Variants in SS18 observed in about 807,000 individuals in gnomAD.
SS18 encodes protein SSXT.
SS18 carries 28 observed loss-of-function variants against 72.5 expected under a neutral mutation model. The ratio of observed to expected loss-of-function variants is 0.39; its 90% CI spans 0.29 to 0.53. SS18 has a LOEUF of 0.53. Among genes scored for constraint, SS18 ranks in the 20% least tolerant of loss-of-function variants. The probability of loss-of-function intolerance (pLI) is 0.76; values close to 1 mark genes in which losing one functional copy is unlikely to be tolerated. For missense variants in SS18, 518 were observed against 535.3 expected, an observed-to-expected ratio of 0.97 and a Z score of 0.32; for synonymous variants, 172 against 164.2, an observed-to-expected ratio of 1.05 and a Z score of -0.37.
rs193106466 is a variant in SS18 at position 26,033,301 on chromosome 18, G to A, written c.1097-769C>T. Among the ~76,000 whole-genome samples the A allele has an allele frequency of 9.9e-5, 15 of 152,228 alleles. No homozygotes were observed. In the East Asian group the frequency reaches 2.9e-3, roughly 29 times the overall value. ...GGCTGAGGTGGGAGGATCACCTGAG[G>A]TCAGGAGTTTGAGACCAGCCTGACC... On this transcript the variant is annotated intron_variant, in intron 9 of 10. Coordinates refer to ENST00000415083, the MANE Select transcript of SS18 (RefSeq NM_001007559.3).
At chr18:26,032,715 A>T (rs997003501) in intron 9 of SS18, among the ~76,000 whole-genome samples, 183 bp from the exon 10 acceptor site, 1 of 152,234 alleles carries the variant, frequency 6.6e-6, no homozygotes. Context: ...AAGAGTAAAA[A>T]TACTGTAATG....
intron 10 of SS18, among the ~76,000 whole-genome samples, chr18:26,029,199 G>A (rs1050921847): frequency 6.6e-6 from 1 of 152,182 alleles, no homozygotes; most frequent in East Asian, 1.9e-4. Context: ...TGAGGGCAGC[G>A]AGTGGTTGGG....
At chr18:26,072,795 T>TC (rs1488904110) in intron 3 of SS18, among the ~76,000 whole-genome samples, 1 of 22,112 alleles carries the variant, frequency 4.5e-5, no homozygotes, top group African/African-American at 3.6e-4. Flanking sequence ...AGACTCCGTC[T>TC]CAAAAAAAAA....
chr18:26,070,625 T>C (rs1364958471), intron 3 of SS18, among the ~76,000 whole-genome samples: 1 of 152,256 alleles, frequency 6.6e-6, no homozygotes, highest in Non-Finnish European at 1.5e-5. Flanking sequence ...TCTCAGTGTT[T>C]AGATTCTTGA....
chr18:26,038,288 C>T (rs2053660246), intron 7 of SS18, among the ~76,000 whole-genome samples: 1 of 149,562 alleles, frequency 6.7e-6, no homozygotes, highest in African/African-American at 2.5e-5. Flanking sequence ...TCAAACAACC[C>T]TAAACATATT....
chr18:26,024,984 T>G (rs985968348), intron 10 of SS18, among the ~76,000 whole-genome samples: 2 of 151,900 alleles, frequency 1.3e-5, no homozygotes, highest in Non-Finnish European at 2.9e-5. Flanking sequence ...CTAATACTAA[T>G]CAAAAGAAAA....
At chr18:26,072,811 A>C (rs866333424) in intron 3 of SS18, among the ~76,000 whole-genome samples, 34 of 151,138 alleles carry the variant, frequency 2.2e-4, no homozygotes, top group Non-Finnish European at 2.2e-4. Flanking sequence ...AAAAAAAAAA[A>C]AAAAAAAAAA....
intron 2 of SS18, among the ~76,000 whole-genome samples, chr18:26,079,414 A>C (rs551928622): frequency 1.4e-5 from 1 of 71,938 alleles, no homozygotes; most frequent in African/African-American, 5.7e-5. Flanking sequence ...CCTGCATCAA[A>C]TTGTTAGGCT....
intron 5 of SS18, among the ~76,000 whole-genome samples, chr18:26,045,797 T>C (rs1431176810): frequency 6.6e-6 from 1 of 152,178 alleles, no homozygotes; most frequent in Non-Finnish European, 1.5e-5. Context: ...TTTAAAATTT[T>C]GGTCAAAACA....
chr18:26,057,799 T>A, intron 3 of SS18, 57 bp from the exon 4 acceptor site: 2 of 1,514,978 alleles, frequency 1.3e-6, no homozygotes, highest in African/African-American at 2.8e-5. Context: ...GAAAGATGCA[T>A]AGGGTAAAAG....
At position 26,052,819 on chromosome 18, in the gene SS18, G is replaced by T. The variant is rs2053946282; in HGVS notation, c.412C>A (p.Pro138Thr). 6.2e-7 allele frequency: 1 copy of T among 1,614,156 alleles called. No homozygotes were observed. Among genetic ancestry groups the T allele is most frequent in the South Asian group, 1.1e-5 (1 of 91,086 alleles). Residue 138 changes from proline (P) to threonine (T), a missense_variant, in exon 5 of 11, where the codon CCT becomes ACT. Transcript: ENST00000415083. ...GTCATATTGAGTTGATTGGGTCCAG[G>T]TCCCTGCATAGGCATATGGTTAGGC... is the stretch of plus-strand genomic sequence containing the variant. ...PGPNHMPMQG[P>T]GPNQLNMTNS...
intron 2 of SS18, among the ~76,000 whole-genome samples, chr18:26,084,431 G>T (rs1370484165): frequency 1.3e-5 from 2 of 152,158 alleles, no homozygotes; most frequent in African/African-American, 4.8e-5. Context: ...TTAGTGTGTT[G>T]AAGTATGATG....
chr18:26,079,641 G>A (rs998426743), intron 2 of SS18, among the ~76,000 whole-genome samples: 1 of 152,098 alleles, frequency 6.6e-6, no homozygotes, highest in Non-Finnish European at 1.5e-5. Context: ...AGCGTGCAGT[G>A]GCGTAATCAT....
At chr18:26,082,009 T>A (rs1006574936) in intron 2 of SS18, among the ~76,000 whole-genome samples, 3 of 151,924 alleles carry the variant, frequency 2.0e-5, no homozygotes, top group African/African-American at 7.3e-5. Context: ...AGTGAGCCAT[T>A]ATCATACCAC....
At chr18:26,044,657 TA>T (rs1162624874) in intron 5 of SS18, among the ~76,000 whole-genome samples, 3 of 152,050 alleles carry the variant, frequency 2.0e-5, no homozygotes, top group Non-Finnish European at 4.4e-5. Flanking sequence ...GTTATTTTAA[TA>T]ATCAGAAATA....
In SS18 at chr18:26,020,465, GA is replaced by G. The variant is rs1237226847; in HGVS notation, c.1231-2086del. 2.0e-5 allele frequency among the ~76,000 whole-genome samples: 3 copies of G among 152,170 alleles called. No homozygotes were observed. In the East Asian group the frequency reaches 5.8e-4, roughly 29 times the overall value. The stretch of plus-strand genomic sequence containing the variant: ...AGTGAGTTGCAAATATAAATGATGT[GA>G]AAGCAGAAGAGAGGTTAAGAACCAC... On this transcript the variant is annotated intron_variant, in intron 10 of 10. Transcript: ENST00000415083.
chr18:26,076,375 C>T (rs548209137), intron 3 of SS18, among the ~76,000 whole-genome samples: 1 of 151,350 alleles, frequency 6.6e-6, no homozygotes, highest in South Asian at 2.1e-4. Flanking sequence ...CACATATAAA[C>T]GGACACCTGA....
chr18:26,039,405 C>G lies in SS18; in HGVS notation c.659G>C (p.Gly220Ala). 1.2e-6 allele frequency: 2 copies of G among 1,613,812 alleles called. No individual in the cohort carries two copies. Among genetic ancestry groups the G allele is most frequent in the Non-Finnish European group, 1.7e-6 (2 of 1,179,840 alleles). ...PPSQQYNMPQ[G>A]GGQHYQGQQP... Reference sequence around the variant, plus strand: ...CTGTCCTTGGTAATGCTGTCCGCCTCCCTGTGGCATATTGTATTGCTGAGA... The same window carrying G: ...CTGTCCTTGGTAATGCTGTCCGCCTGCCTGTGGCATATTGTATTGCTGAGA... The change falls in exon 6 of 11, where the codon GGA (glycine) becomes GCA (alanine). Residue 220 changes from glycine (G) to alanine (A), a missense_variant. Coordinates refer to ENST00000415083, the MANE Select transcript of SS18 (RefSeq NM_001007559.3).
At chr18:26,021,789 C>T (rs12963512) in intron 10 of SS18, among the ~76,000 whole-genome samples, 8,413 of 152,172 alleles carry the variant, frequency 0.055, 267 homozygotes, top group East Asian at 0.12. Context: ...GGTGATAGTA[C>T]CCCTCTCTTT....
Sources: allele counts gnomAD v4.1 joint callset (sites outside exome capture counted in the v4.1 genomes callset), GRCh38; gene constraint gnomAD v4.1.1; transcripts MANE v1.5; gene names NCBI Gene and HGNC (gene_info 2026-07-23, HGNC 2026-07-21).